Variants in EEFSEC observed in about 807,000 individuals in gnomAD.
EEFSEC encodes eukaryotic elongation factor, selenocysteine-tRNA specific.
Under a neutral mutation model 42.1 loss-of-function variants are expected in EEFSEC, and 43 were observed. The ratio of observed to expected loss-of-function variants is 1.02; its 90% confidence interval spans 0.80 to 1.32. EEFSEC has a LOEUF of 1.32. Among genes scored for constraint, EEFSEC ranks in the 40% most tolerant of loss-of-function variants. The probability of loss-of-function intolerance (pLI) is 0.00; values close to 1 mark genes in which losing one functional copy is unlikely to be tolerated. For missense variants in EEFSEC, 745 were observed against 803.6 expected, an observed-to-expected ratio of 0.93 and a Z score of 0.88; for synonymous variants, 354 against 339.1, an observed-to-expected ratio of 1.04 and a Z score of -0.48.
intron 6 of EEFSEC, among the ~76,000 whole-genome samples, chr3:128,391,805 C>A (rs1480056791): frequency 6.6e-6 from 1 of 152,228 alleles, no homozygotes; most frequent in African/African-American, 2.4e-5. Context: ...TGGGACAGTG[C>A]CTGGTGCCCA....
chr3:128,301,860 G>C (rs997323730), intron 4 of EEFSEC, among the ~76,000 whole-genome samples: 12 of 152,220 alleles, frequency 7.9e-5, no homozygotes, highest in African/African-American at 2.9e-4. Flanking sequence ...TCCCATGGGG[G>C]GCAGGAAATG....
At chr3:128,332,201 TAC>T (rs1341148535) in intron 4 of EEFSEC, among the ~76,000 whole-genome samples, 1 of 152,148 alleles carries the variant, frequency 6.6e-6, no homozygotes, top group African/African-American at 2.4e-5. Context: ...TATATGTATA[TAC>T]ACACACACAA....
At chr3:128,158,609 T>C (rs367919923) in intron 1 of EEFSEC, among the ~76,000 whole-genome samples, 77 of 152,382 alleles carry the variant, frequency 5.1e-4, no homozygotes, top group African/African-American at 1.8e-3. Flanking sequence ...ATTAGCATTT[T>C]TTAGCAATGA....
intron 4 of EEFSEC, among the ~76,000 whole-genome samples, chr3:128,274,410 A>C (rs1410999601): frequency 6.6e-6 from 1 of 152,178 alleles, no homozygotes; most frequent in Non-Finnish European, 1.5e-5. Flanking sequence ...CACCCTCTAC[A>C]TGGAGCCCTG....
intron 4 of EEFSEC, among the ~76,000 whole-genome samples, chr3:128,316,246 A>G (rs868390125): frequency 1.3e-5 from 2 of 152,236 alleles, no homozygotes; most frequent in Admixed American, 6.5e-5. Flanking sequence ...CTTCCCAGAG[A>G]AAGCCAGTGT....
At chr3:128,254,616 A>G (rs1436781667) in intron 2 of EEFSEC, among the ~76,000 whole-genome samples, 1 of 152,176 alleles carries the variant, frequency 6.6e-6, no homozygotes, top group Non-Finnish European at 1.5e-5. Context: ...GAGGAGGGGA[A>G]GGAGGTGAGG....
At position 128,408,365 on chromosome 3, in the gene EEFSEC, C is replaced by A; in HGVS notation, c.*106C>A. On this transcript the variant is annotated 3_prime_UTR_variant, in exon 7 of 7. Transcript: ENST00000254730. ...GCCTCTCCCAGTCTCTCCCTGCAGT[C>A]CTGCAGCAGCAGCCCCCACCCCCAA... 1.6e-6 allele frequency: 2 copies of A among 1,221,544 alleles called. No homozygotes were observed. Among genetic ancestry groups the A allele is most frequent in the Non-Finnish European group, 2.3e-6 (2 of 885,048 alleles). The allele number at this position is 1,221,544 out of a possible 1,614,324, so 75.7% of individuals were successfully genotyped here. A position where few individuals can be genotyped will look rare whatever the true frequency, so the allele number is the denominator to read the frequency against.
intron 6 of EEFSEC, among the ~76,000 whole-genome samples, chr3:128,392,711 A>G (rs1344320726): frequency 6.6e-6 from 1 of 152,140 alleles, no homozygotes; most frequent in African/African-American, 2.4e-5. Flanking sequence ...ACTGTGCACA[A>G]CCACTCCCGC....
In EEFSEC at chr3:128,246,250, A is replaced by G. The variant is rs1233877347; in HGVS notation, c.317-586A>G. ...TGCACGCACACACACACACACACAC[A>G]CGCACACAAATGTTCAGTACTTAGC... On this transcript the variant is annotated intron_variant, in intron 1 of 6. Transcript: ENST00000254730. Among the ~76,000 whole-genome samples the G allele has an allele frequency of 2.9e-5, 4 of 140,240 alleles. No individual in the cohort carries two copies. The Admixed American group carries it at 2.9e-4, about 10-fold the overall frequency. The allele number at this position is 140,240 out of a possible 152,430, so 92.0% of individuals were successfully genotyped here.
intron 4 of EEFSEC, among the ~76,000 whole-genome samples, chr3:128,297,470 G>T (rs1238496084): frequency 2.0e-5 from 3 of 152,202 alleles, no homozygotes; most frequent in African/African-American, 7.2e-5. Context: ...AGGAGGAAAG[G>T]AGCTGGTGTG....
At position 128,153,633 on chromosome 3, in the gene EEFSEC, C is replaced by G. The variant is rs763931850; in HGVS notation, c.126C>G (p.Ser42Arg). 6.3e-7 allele frequency: 1 copy of G among 1,598,048 alleles called. No homozygotes were observed. Among genetic ancestry groups the G allele is most frequent in the Non-Finnish European group, 8.5e-7 (1 of 1,177,800 alleles). The change falls in exon 1 of 7, where the codon AGC becomes AGG. Residue 42 changes from serine to arginine, a missense_variant. Physicochemically the swap from Ser to Arg is moderately radical, Grantham distance 110 (BLOSUM62 -1). Transcript: ENST00000254730. ...STAAFDKQPQSRERGITLDLG... is the reference protein window; with the variant it reads ...STAAFDKQPQRRERGITLDLG... Reference sequence around the variant, plus strand: ...CCGCCTTTGACAAGCAGCCGCAGAGCCGCGAGCGCGGCATCACGCTCGATC... The same window carrying G: ...CCGCCTTTGACAAGCAGCCGCAGAGGCGCGAGCGCGGCATCACGCTCGATC...
chr3:128,369,886 C>T (rs1455931284), intron 6 of EEFSEC, among the ~76,000 whole-genome samples: 1 of 152,236 alleles, frequency 6.6e-6, no homozygotes, highest in African/African-American at 2.4e-5. Flanking sequence ...CCTGCACCCT[C>T]AGCACATGTC....
chr3:128,292,045 A>G (rs2066649682), intron 4 of EEFSEC, among the ~76,000 whole-genome samples: 1 of 152,084 alleles, frequency 6.6e-6, no homozygotes, highest in African/African-American at 2.4e-5. Context: ...ATTATTATAT[A>G]GTTTTTCTCC....
intron 6 of EEFSEC, among the ~76,000 whole-genome samples, chr3:128,371,549 G>T (rs914894608): frequency 2.0e-5 from 3 of 152,164 alleles, no homozygotes; most frequent in Non-Finnish European, 4.4e-5. Flanking sequence ...ACTGGTGGTT[G>T]GTGTGCAGGG....
chr3:128,262,789 A>G (rs1474240416), intron 3 of EEFSEC, among the ~76,000 whole-genome samples: 2 of 152,222 alleles, frequency 1.3e-5, no homozygotes, highest in African/African-American at 4.8e-5. Context: ...GAGGGAGCCC[A>G]GTCATCCATC....
At chr3:128,258,950 TA>T (rs2066269461) in intron 2 of EEFSEC, among the ~76,000 whole-genome samples, 1 of 152,164 alleles carries the variant, frequency 6.6e-6, no homozygotes, top group South Asian at 2.1e-4. Flanking sequence ...AGGTTTAAAG[TA>T]AACTCAGAGT....
At chr3:128,416,570 T>C in the EEFSEC span, among the ~76,000 whole-genome samples, 1 of 152,026 alleles carries the variant, frequency 6.6e-6, no homozygotes, top group African/African-American at 2.4e-5. Context: ...GAGAGGCTTA[T>C]GGGAAGTTGG....
intron 5 of EEFSEC, among the ~76,000 whole-genome samples, chr3:128,342,465 G>A (rs1174422132): frequency 2.6e-5 from 4 of 152,246 alleles, no homozygotes; most frequent in African/African-American, 9.6e-5. Flanking sequence ...GAGGGGAAGG[G>A]GCTAAGGGTG....
At chr3:128,331,235 G>A (rs1254000422) in intron 4 of EEFSEC, among the ~76,000 whole-genome samples, 3 of 30,530 alleles carry the variant, frequency 9.8e-5, no homozygotes, top group African/African-American at 3.1e-4. Context: ...CCCTTCCTCA[G>A]TGCATCTCCC....
Sources: gnomAD v4.1 joint callset for allele counts (sites outside exome capture counted in the v4.1 genomes callset) on GRCh38, gnomAD v4.1.1 for gene constraint, MANE v1.5 for transcripts, NCBI Gene and HGNC (gene_info 2026-07-23, HGNC 2026-07-21) for gene names.